Variants in EPB41L4B observed in about 807,000 individuals in gnomAD.
EPB41L4B encodes the protein erythrocyte membrane protein band 4.1 like 4B, also known as band 4.1-like protein 4B.
In EPB41L4B, 30 loss-of-function variants were observed where a neutral mutation model predicts 112.5. The observed-to-expected ratio is 0.27, with a 90% CI of 0.20 to 0.36. EPB41L4B has a LOEUF of 0.36. EPB41L4B is among the 10% of genes least tolerant of loss of function. The probability of loss-of-function intolerance (pLI) is 1.00; values close to 1 mark genes in which losing one functional copy is unlikely to be tolerated. For missense variants in EPB41L4B, 1,024 were observed against 1,133.3 expected, an observed-to-expected ratio of 0.90 and a Z score of 1.38; for synonymous variants, 408 against 439.7, an observed-to-expected ratio of 0.93 and a Z score of 0.90.
In EPB41L4B at chr9:109,307,015, G is replaced by GTT. The variant is rs534923556; in HGVS notation, c.306+13124_306+13125dup. 4.4e-3 allele frequency among the ~76,000 whole-genome samples: 544 copies of GTT among 124,428 alleles called. 8 individuals are homozygous for GTT. The highest frequency in any genetic ancestry group is 8.4e-3 in the African/African-American group (282 of 33,428). The allele number at this position is 124,428 out of a possible 152,430, so 81.6% of individuals were successfully genotyped here. A position where few individuals can be genotyped will look rare whatever the true frequency, so the allele number is the denominator to read the frequency against. On this transcript the variant is annotated intron_variant, in intron 1 of 25. Coordinates refer to ENST00000374566, the MANE Select transcript of EPB41L4B (RefSeq NM_019114.5). ...TACAGACACTAGATGTGCTGCAGTT[G>GTT]TTTTTTTTTTTTTTTTTTTCTTCAA...
intron 23 of EPB41L4B, among the ~76,000 whole-genome samples, chr9:109,183,395 G>C (rs1014858836): frequency 5.9e-5 from 9 of 152,164 alleles, no homozygotes; most frequent in African/African-American, 2.2e-4. Flanking sequence ...CTGCCCCCAC[G>C]GCCTTTGGGA....
intron 2 of EPB41L4B, among the ~76,000 whole-genome samples, chr9:109,274,976 C>T (rs915548006): frequency 6.6e-6 from 1 of 152,242 alleles, no homozygotes; most frequent in Non-Finnish European, 1.5e-5. Flanking sequence ...GAGCCCTTGG[C>T]TCTCAGAAGC....
intron 15 of EPB41L4B, among the ~76,000 whole-genome samples, chr9:109,224,194 T>C (rs1206198469): frequency 6.6e-6 from 1 of 152,164 alleles, no homozygotes; most frequent in Non-Finnish European, 1.5e-5. Flanking sequence ...TTCTAGTATA[T>C]GCCCAAGAGA....
chr9:109,228,312 C>T (rs976758066), intron 15 of EPB41L4B, among the ~76,000 whole-genome samples: 15 of 152,214 alleles, frequency 9.9e-5, no homozygotes, highest in Admixed American at 7.9e-4. Flanking sequence ...TTACAAAAGA[C>T]TCTGTTCTCA....
rs116166881 is a variant in EPB41L4B, at chr9:109,315,836, A to G, written c.306+4305T>C. 8.5e-3 allele frequency among the ~76,000 whole-genome samples: 1,292 copies of G among 152,304 alleles called. 14 individuals are homozygous for G. The highest frequency in any genetic ancestry group is 0.03 in the African/African-American group (1,233 of 41,564). On this transcript the variant is annotated intron_variant, in intron 1 of 25. Coordinates refer to ENST00000374566, the MANE Select transcript of EPB41L4B (RefSeq NM_019114.5). ...GAAAAAAACATCACTTTTCACATCC[A>G]AAGTGAAACTTTTAAAAAGCATTTC...
chr9:109,182,857 C>T (rs1259015983), intron 23 of EPB41L4B, 60 bp from the exon 24 acceptor site: 1 of 1,254,512 alleles, frequency 8.0e-7, no homozygotes, highest in Non-Finnish European at 1.2e-6. Context: ...GTTTTGCAAT[C>T]TTTGGCAGCG....
At chr9:109,227,563 A>C (rs1833823643) in intron 15 of EPB41L4B, among the ~76,000 whole-genome samples, 1 of 151,984 alleles carries the variant, frequency 6.6e-6, no homozygotes, top group Non-Finnish European at 1.5e-5. Context: ...TGAAAATGAG[A>C]TCTTATTAAT....
chr9:109,256,839 G>C (rs1197407366), intron 7 of EPB41L4B, among the ~76,000 whole-genome samples: 1 of 152,196 alleles, frequency 6.6e-6, no homozygotes, highest in Non-Finnish European at 1.5e-5. Context: ...CTACTTGGGA[G>C]GCTGAGGAAG....
intron 1 of EPB41L4B, among the ~76,000 whole-genome samples, chr9:109,308,051 A>C (rs1837280875): frequency 6.6e-6 from 1 of 152,162 alleles, no homozygotes; most frequent in South Asian, 2.1e-4. Context: ...CGGTTCCCTC[A>C]GAGGCGAACC....
chr9:109,251,539 C>T (rs1458175587), intron 12 of EPB41L4B, 28 bp from the exon 13 acceptor site: 1 of 1,608,930 alleles, frequency 6.2e-7, no homozygotes, highest in African/African-American at 1.3e-5. Context: ...AAAGTTATGA[C>T]ATCTTAGAGA....
chr9:109,306,757 T>A (rs1183220734), intron 1 of EPB41L4B, among the ~76,000 whole-genome samples: 1 of 152,174 alleles, frequency 6.6e-6, no homozygotes, highest in Non-Finnish European at 1.5e-5. Context: ...AAGCATGCAG[T>A]AAACATCAAA....
chr9:109,301,729 C>A (rs564061869), intron 1 of EPB41L4B, among the ~76,000 whole-genome samples: 157 of 152,318 alleles, frequency 1.0e-3, no homozygotes, highest in African/African-American at 3.7e-3. Context: ...CCTGTGCCAT[C>A]TTATATGGGT....
intron 13 of EPB41L4B, among the ~76,000 whole-genome samples, chr9:109,250,690 C>T (rs938136517): frequency 1.3e-5 from 2 of 152,156 alleles, no homozygotes; most frequent in East Asian, 1.9e-4. Flanking sequence ...TGATTCAATG[C>T]GCCTGGGGTG....
chr9:109,314,161 G>A (rs778453448), intron 1 of EPB41L4B, among the ~76,000 whole-genome samples: 6 of 152,212 alleles, frequency 3.9e-5, no homozygotes, highest in Non-Finnish European at 5.9e-5. Context: ...AGGGCAGAGA[G>A]AGGCCCGGGG....
intron 15 of EPB41L4B, among the ~76,000 whole-genome samples, chr9:109,227,080 C>T (rs146502099): frequency 1.3e-5 from 2 of 152,014 alleles, no homozygotes; most frequent in East Asian, 3.9e-4. Context: ...CTTAAGCGGT[C>T]CTCCCACTTC....
At chr9:109,277,684 C>T (rs1206093271) in intron 2 of EPB41L4B, among the ~76,000 whole-genome samples, 1 of 152,036 alleles carries the variant, frequency 6.6e-6, no homozygotes, top group Admixed American at 6.6e-5. Flanking sequence ...GGGACAGTCA[C>T]GGGGGCAGGA....
chr9:109,272,455 G>C (rs539529899), intron 2 of EPB41L4B, among the ~76,000 whole-genome samples: 1 of 149,976 alleles, frequency 6.7e-6, no homozygotes, highest in East Asian at 2.0e-4. Flanking sequence ...ATAAGACCCT[G>C]TGTATATTAA....
At chr9:109,250,327 T>A (rs1397436387) in intron 13 of EPB41L4B, among the ~76,000 whole-genome samples, 1 of 152,008 alleles carries the variant, frequency 6.6e-6, no homozygotes, top group Non-Finnish European at 1.5e-5. Flanking sequence ...CTCACCGGGG[T>A]ATCTGCAACC....
intron 1 of EPB41L4B, among the ~76,000 whole-genome samples, chr9:109,315,087 G>C (rs1174513786): frequency 2.6e-5 from 4 of 152,016 alleles, no homozygotes; most frequent in Non-Finnish European, 5.9e-5. Flanking sequence ...CCCTCCCCTA[G>C]CCCTCCACTC....
Sources: gnomAD v4.1 joint callset for allele counts (sites outside exome capture counted in the v4.1 genomes callset) on GRCh38, gnomAD v4.1.1 for gene constraint, MANE v1.5 for transcripts, NCBI Gene and HGNC (gene_info 2026-07-23, HGNC 2026-07-21) for gene names.